Variants in ZNF665 observed in about 807,000 individuals in gnomAD.
ZNF665 encodes the protein zinc finger protein 665.
In ZNF665, 6 loss-of-function variants were observed where a neutral mutation model predicts 7.9. The ratio of observed to expected loss-of-function variants is 0.76; its 90% CI spans 0.42 to 1.50. ZNF665 has a LOEUF of 1.50. Among genes scored for constraint, ZNF665 ranks in the 40% most tolerant of loss-of-function variants. ZNF665 has a pLI of 0.01. For missense variants in ZNF665, 819 were observed against 806.7 expected (o/e 1.02, Z -0.18); for synonymous variants, 242 against 274.5 (o/e 0.88, Z 1.17).
chr19:53,174,945 CAAAA>C (rs1168901820), intron 3 of ZNF665, among the ~76,000 whole-genome samples: 3 of 44,252 alleles, frequency 6.8e-5, no homozygotes, highest in Non-Finnish European at 9.9e-5. Flanking sequence ...AACTCCGTCT[CAAAA>C]AAAAAAAAAA....
Position 53,182,254 on chromosome 19 carries a change from C to T in ZNF665, c.15+630G>A, listed in dbSNP as rs537925912. 6.8e-5 allele frequency: 11 copies of T among 162,226 alleles called. No homozygotes were observed. In the South Asian group the frequency reaches 1.7e-3, roughly 25 times the overall value. The allele number at this position is 162,226 out of a possible 1,614,324, so 10.0% of individuals were successfully genotyped here. A position where few individuals can be genotyped will look rare whatever the true frequency, so the allele number is the denominator to read the frequency against. ...GGCATGGTGATGCATGCCTGTAGTCCCAGCTACGCAGGGGGCCATGGCCAG... is the reference window on the plus strand; with the variant it reads ...GGCATGGTGATGCATGCCTGTAGTCTCAGCTACGCAGGGGGCCATGGCCAG... On this transcript the variant is annotated intron_variant, in intron 2 of 3. Coordinates refer to ENST00000396424, the MANE Select transcript of ZNF665 (RefSeq NM_024733.5).
At chr19:53,189,901 A>C (rs2090803839) in intron 1 of ZNF665, among the ~76,000 whole-genome samples, 1 of 152,134 alleles carries the variant, frequency 6.6e-6, no homozygotes, top group South Asian at 2.1e-4. Flanking sequence ...CCACTAGACC[A>C]AGGAGCCCTC....
At chr19:53,189,724 A>G (rs1381250484) in intron 1 of ZNF665, among the ~76,000 whole-genome samples, 1 of 149,582 alleles carries the variant, frequency 6.7e-6, no homozygotes, top group Non-Finnish European at 1.5e-5. Context: ...GACTGATGTC[A>G]GGCCCTCCAC....
rs2090650796 is a variant in ZNF665 at position 53,170,693 on chromosome 19, C to T, written c.143-4346G>A. Among the ~76,000 whole-genome samples the T allele has an allele frequency of 3.3e-5, 5 of 152,312 alleles. No individual in the cohort carries two copies. In the South Asian group the frequency reaches 1.0e-3, roughly 32 times the overall value. ...TGTTAATGAACACGTAGTTTGATTT[C>T]ATAACTCGACTATTGTGAACAATGC... On this transcript the variant is annotated intron_variant, in intron 3 of 3. Coordinates refer to ENST00000396424, the MANE Select transcript of ZNF665 (RefSeq NM_024733.5).
chr19:53,174,957 AAAAAGAAAG>A (rs2090685349), intron 3 of ZNF665, among the ~76,000 whole-genome samples: 2 of 149,172 alleles, frequency 1.3e-5, no homozygotes, highest in South Asian at 4.2e-4. Context: ...AAAAAAAAAA[AAAAAGAAAG>A]AAAAGAAAGA....
At chr19:53,170,117 C>A (rs1336105674) in intron 3 of ZNF665, among the ~76,000 whole-genome samples, 3 of 148,146 alleles carry the variant, frequency 2.0e-5, no homozygotes, top group Non-Finnish European at 4.5e-5. Context: ...ACACTGACTT[C>A]CACAATGGTT....
chr19:53,179,245 G>A (rs1022018225), intron 2 of ZNF665, among the ~76,000 whole-genome samples: 78 of 151,876 alleles, frequency 5.1e-4, no homozygotes, highest in African/African-American at 1.7e-3. Flanking sequence ...GCGTGGTGGC[G>A]GACGCCTGTA....
At chr19:53,168,859 T>A (rs941939475) in intron 3 of ZNF665, among the ~76,000 whole-genome samples, 1 of 152,150 alleles carries the variant, frequency 6.6e-6, no homozygotes, top group Non-Finnish European at 1.5e-5. Flanking sequence ...ACAGTCTTTT[T>A]AAAAAATGGT....
chr19:53,165,003 C>T lies in ZNF665; in HGVS notation c.1487G>A (p.Ser496Asn). 6.2e-7 allele frequency: 1 copy of T among 1,613,716 alleles called. No individual in the cohort carries two copies. Among genetic ancestry groups the T allele is most frequent in the Non-Finnish European group, 8.5e-7 (1 of 1,179,904 alleles). ...ATGCCTTGCAAGTTGTGATGTTTGA[C>T]TGAAGGCTTTACCACATTCATCACA... ...YKCDECGKAF[S>N]QTSQLARHWR... Residue 496 changes from serine to asparagine, a missense_variant, in exon 4 of 4, where the codon AGT becomes AAT. Transcript: ENST00000396424.
intron 3 of ZNF665, among the ~76,000 whole-genome samples, chr19:53,169,595 A>C (rs925686126): frequency 6.6e-6 from 1 of 152,038 alleles, no homozygotes; most frequent in East Asian, 1.9e-4. Context: ...GGTTAGTTAC[A>C]TATGTATACA....
intron 3 of ZNF665, among the ~76,000 whole-genome samples, chr19:53,174,676 C>G (rs545505177): frequency 1.3e-5 from 2 of 152,080 alleles, no homozygotes; most frequent in African/African-American, 2.4e-5. Flanking sequence ...TGGTGGCTCA[C>G]GCCTGTAATC....
chr19:53,165,409 G>T lies in ZNF665; in HGVS notation c.1081C>A (p.Leu361Ile). The change falls in exon 4 of 4, where the codon CTT (leucine) becomes ATT (isoleucine). Residue 361 changes from leucine to isoleucine, a missense_variant. Physicochemically the swap from Leu to Ile is conservative, Grantham distance 5. Coordinates refer to ENST00000396424, the MANE Select transcript of ZNF665 (RefSeq NM_024733.5). ...GTATGAATTCGCCGATGCTTTGCAA[G>T]GTATGAATTGTGCCTGAAGACCTTG... ...CGKVFRHNSY[L>I]AKHRRIHTGE... The T allele has an allele frequency of 6.2e-7, 1 of 1,613,424 alleles. No individual in the cohort carries two copies. The highest frequency in any genetic ancestry group is 1.3e-5 in the African/African-American group (1 of 75,010).
Position 53,164,400 on chromosome 19 carries a change from A to G in ZNF665, c.*53T>C. On this transcript the variant is annotated 3_prime_UTR_variant, in exon 4 of 4. Transcript: ENST00000396424. ...TGATCCCCCCGCCTCGGCCTCCCAA[A>G]GTGCTGGGATTACAGGCGTGAGCCA... is the stretch of plus-strand genomic sequence containing the variant. The G allele has an allele frequency of 7.0e-7, 1 of 1,418,896 alleles. No individual in the cohort carries two copies. The highest frequency in any genetic ancestry group is 9.4e-7 in the Non-Finnish European group (1 of 1,065,712). The allele number at this position is 1,418,896 out of a possible 1,614,324, so 87.9% of individuals were successfully genotyped here. A position where few individuals can be genotyped will look rare whatever the true frequency, so the allele number is the denominator to read the frequency against.
intron 1 of ZNF665, among the ~76,000 whole-genome samples, chr19:53,191,194 T>C (rs1030717516): frequency 6.6e-6 from 1 of 152,184 alleles, no homozygotes; most frequent in South Asian, 2.1e-4. Flanking sequence ...TCAGGTAGTG[T>C]TTGTTCAAGA....
At chr19:53,175,386 G>A in intron 3 of ZNF665, 59 bp downstream of exon 3, 1 of 1,575,786 alleles carries the variant, frequency 6.3e-7, no homozygotes. Flanking sequence ...AGACTCACAA[G>A]GGAAAATGAA....
At chr19:53,172,089 G>C (rs1568658688) in intron 3 of ZNF665, among the ~76,000 whole-genome samples, 1 of 152,050 alleles carries the variant, frequency 6.6e-6, no homozygotes, top group Non-Finnish European at 1.5e-5. Flanking sequence ...AAATAATAGA[G>C]TAATAATTTA....
At chr19:53,181,061 C>A (rs2090734297) in intron 2 of ZNF665, 1 of 152,028 alleles carries the variant, frequency 6.6e-6, no homozygotes, top group African/African-American at 2.4e-5. Flanking sequence ...TAATATTAAA[C>A]AAGAAAATTT....
At chr19:53,168,775 A>G (rs2090636495) in intron 3 of ZNF665, among the ~76,000 whole-genome samples, 1 of 152,204 alleles carries the variant, frequency 6.6e-6, no homozygotes, top group African/African-American at 2.4e-5. Context: ...GAAATAGAGA[A>G]TACTGAAATA....
intron 2 of ZNF665, among the ~76,000 whole-genome samples, chr19:53,178,830 T>C (rs1438022660): frequency 6.6e-6 from 1 of 152,176 alleles, no homozygotes; most frequent in Non-Finnish European, 1.5e-5. Flanking sequence ...TAAAGTAGTA[T>C]AATATAGTTT....
Sources: gnomAD v4.1 joint callset for allele counts (sites outside exome capture counted in the v4.1 genomes callset) on GRCh38, gnomAD v4.1.1 for gene constraint, MANE v1.5 for transcripts, NCBI Gene and HGNC (gene_info 2026-07-23, HGNC 2026-07-21) for gene names.